The following NOC2L variants were observed in gnomAD, a reference collection of about 807,000 sequenced individuals.
The protein encoded by NOC2L is nucleolar complex protein 2 homolog.
Under a neutral mutation model 94.2 loss-of-function variants are expected in NOC2L, and 101 were observed. The ratio of observed to expected loss-of-function variants is 1.07; its 90% CI spans 0.91 to 1.26. NOC2L has a LOEUF of 1.26. Among genes scored for constraint, NOC2L ranks in the 50% most tolerant of loss-of-function variants. NOC2L has a pLI of 0.00. For synonymous variants in NOC2L, 531 were observed against 413.4 expected, an observed-to-expected ratio of 1.28 and a Z score of -3.45; for missense variants, 1,076 against 980.1, an observed-to-expected ratio of 1.10 and a Z score of -1.31.
chr1:952,013 T>C lies in NOC2L; in HGVS notation c.1318A>G (p.Ile440Val), dbSNP rs768915351. The C allele has an allele frequency of 3.1e-6, 5 of 1,612,238 alleles. No homozygotes were observed. Among genetic ancestry groups the C allele is most frequent in the East Asian group, 2.2e-5 (1 of 44,860 alleles). ...CCCACAACTCACTTGATACAGCCAA[T>C]GATGACTTGGGCAAGGGGGTAGACC... The part of the protein sequence containing the change: ...PLVYPLAQVI[I>V]GCIKLIPTAR... The change falls in exon 11 of 19, where the codon ATT becomes GTT. Residue 440 changes from isoleucine (I) to valine (V), a missense_variant. Physicochemically the swap from Ile to Val is conservative, Grantham distance 29. Transcript: ENST00000327044.
intron 11 of NOC2L, 27 bp downstream of exon 11, chr1:951,973 C>T (rs751273991): frequency 6.2e-7 from 1 of 1,601,442 alleles, no homozygotes; most frequent in East Asian, 2.2e-5. Context: ...GACCCTCCCG[C>T]ACAACCCTGC....
chr1:950,894 T>C (rs187451187), intron 12 of NOC2L, among the ~76,000 whole-genome samples: 122 of 152,242 alleles, frequency 8.0e-4, no homozygotes, highest in African/African-American at 2.7e-3. Flanking sequence ...CAGGGTCAGG[T>C]CCCGGCATCC....
At chr1:946,566 C>A in intron 14 of NOC2L, 21 bp from the exon 15 acceptor site, 1 of 1,607,986 alleles carries the variant, frequency 6.2e-7, no homozygotes. Flanking sequence ...GAGGGGTCAG[C>A]CACTGAAGCC....
chr1:959,250 C>A lies in NOC2L; in HGVS notation c.-10G>T, dbSNP rs1462022615. ...TCCCCGCAGCTGCCATGACACCAAC[C>A]CGAAGCGTGCACCCCACTTCCGGCC... is the stretch of plus-strand genomic sequence containing the variant. On this transcript the variant is annotated 5_prime_UTR_variant, in exon 1 of 19. Coordinates refer to ENST00000327044, the MANE Select transcript of NOC2L (RefSeq NM_015658.4). 3.1e-6 allele frequency: 5 copies of A among 1,603,538 alleles called. No homozygotes were observed. Among genetic ancestry groups the A allele is most frequent in the Non-Finnish European group, 4.3e-6 (5 of 1,175,912 alleles).
intron 12 of NOC2L, among the ~76,000 whole-genome samples, chr1:950,369 G>A (rs1036782837): frequency 2.7e-5 from 4 of 147,816 alleles, no homozygotes; most frequent in African/African-American, 1.0e-4. Context: ...GCATGCACAG[G>A]TAGACACATG....
At chr1:949,376 G>A (rs1236554233) in intron 12 of NOC2L, among the ~76,000 whole-genome samples, 1 of 152,202 alleles carries the variant, frequency 6.6e-6, no homozygotes, top group Non-Finnish European at 1.5e-5. Context: ...GTCCAGATGG[G>A]AAAACGCCCT....
chr1:958,883 G>A, intron 2 of NOC2L, 46 bp downstream of exon 2: 3 of 1,609,790 alleles, frequency 1.9e-6, no homozygotes, highest in African/African-American at 2.7e-5. Flanking sequence ...CAACCGGGGT[G>A]GGACAGGACG....
intron 14 of NOC2L, chr1:946,871 A>G (rs1324787214): frequency 4.8e-6 from 1 of 209,990 alleles, no homozygotes. Context: ...CAGCCTGGCC[A>G]ACGTGGCAAA....
intron 14 of NOC2L, among the ~76,000 whole-genome samples, chr1:947,300 G>A (rs1228303754): frequency 6.6e-6 from 1 of 152,218 alleles, no homozygotes; most frequent in Non-Finnish European, 1.5e-5. Flanking sequence ...GAGGAACAGA[G>A]GCTGTGGCCC....
At position 959,027 on chromosome 1, in the gene NOC2L, C is replaced by G; in HGVS notation, c.81G>C (p.Glu27Asp). Residue 27 changes from glutamate to aspartate, a missense_variant, in exon 2 of 19, where the codon GAG becomes GAC. Coordinates refer to ENST00000327044, the MANE Select transcript of NOC2L (RefSeq NM_015658.4). ...GAGAATTTTCGGACTCGGATTCGGA[C>G]TCGGAGTCAAAGCCCGAAGCTAGGA... ...DEFLASGFDSESESESENSPQ... is the reference protein window; with the variant it reads ...DEFLASGFDSDSESESENSPQ... 3 of 1,612,314 alleles carry G rather than the reference C, an allele frequency of 1.9e-6. No homozygotes were observed. Among genetic ancestry groups the G allele is most frequent in the Non-Finnish European group, 2.5e-6 (3 of 1,179,662 alleles).
At chr1:948,390 T>A (rs1642173004) in intron 13 of NOC2L, 100 bp downstream of exon 13, 4 of 1,065,338 alleles carry the variant, frequency 3.8e-6, no homozygotes, top group Non-Finnish European at 5.7e-6. Flanking sequence ...TGAAGGTCCA[T>A]GCTTGAACTT....
chr1:952,667 G>A (rs1045150511), intron 9 of NOC2L, 67 bp from the exon 10 acceptor site: 3 of 1,513,308 alleles, frequency 2.0e-6, no homozygotes, highest in Non-Finnish European at 2.7e-6. Flanking sequence ...CCACTCCAGG[G>A]CCCCTGTGAA....
rs1642018268 is a variant in NOC2L, at chr1:944,340, T to C, written c.*354A>G. The C allele has an allele frequency of 9.4e-6, 13 of 1,378,406 alleles. No homozygotes were observed. Among genetic ancestry groups the C allele is most frequent in the Non-Finnish European group, 1.2e-5 (13 of 1,073,792 alleles). 85.4% of individuals were successfully genotyped at this position (1,378,406 alleles called of 1,614,324 possible). On this transcript the variant is annotated 3_prime_UTR_variant, in exon 19 of 19. Coordinates refer to ENST00000327044, the MANE Select transcript of NOC2L (RefSeq NM_015658.4). ...TTGGGGGAGTGAAGGCAGAGCCTGG[T>C]GCAGATGGACGAGGTCTGCAGACGG...
At position 953,650 on chromosome 1, in the gene NOC2L, GCCTCT is replaced by G. The variant is rs1165356905; in HGVS notation, c.888+127_888+131del. 10 of 695,678 alleles carry G rather than the reference GCCTCT, an allele frequency of 1.4e-5. No individual in the cohort carries two copies. The African/African-American group carries it at 1.8e-4, about 12-fold the overall frequency. 43.1% of individuals were successfully genotyped at this position (695,678 alleles called of 1,614,324 possible). Reference sequence around the variant, plus strand: ...GGGGTGGGGGCCAGGTGCTTCTGTGGCCTCTCTAGCCAAGCGGAGCCAGTGGAGTG... The same window carrying G: ...GGGGTGGGGGCCAGGTGCTTCTGTGGCTAGCCAAGCGGAGCCAGTGGAGTG... On this transcript the variant is annotated intron_variant, in intron 8 of 18. Transcript: ENST00000327044.
At chr1:957,061 G>A (rs1321521518) in intron 3 of NOC2L, 36 bp from the exon 4 acceptor site, 2 of 1,613,980 alleles carry the variant, frequency 1.2e-6, no homozygotes, top group Non-Finnish European at 8.5e-7. Context: ...AGAGTGTAGA[G>A]ACAAGTGCCC....
chr1:956,039 T>C, intron 5 of NOC2L, 26 bp from the exon 6 acceptor site: 2 of 1,614,026 alleles, frequency 1.2e-6, no homozygotes, highest in Non-Finnish European at 1.7e-6. Flanking sequence ...CTGGATGTAC[T>C]CACGGGACAG....
intron 14 of NOC2L, 142 bp from the exon 15 acceptor site, chr1:946,687 TAGCTGTTGC>T: frequency 3.0e-6 from 3 of 992,502 alleles, no homozygotes; most frequent in South Asian, 3.3e-5. Context: ...CTCAAGTGCA[TAGCTGTTGC>T]AGCTGGGATG....
At position 944,409 on chromosome 1, in the gene NOC2L, C is replaced by G; in HGVS notation, c.*285G>C. 8.4e-7 allele frequency: 1 copy of G among 1,185,904 alleles called. No individual in the cohort carries two copies. 73.5% of individuals were successfully genotyped at this position (1,185,904 alleles called of 1,614,324 possible). A position where few individuals can be genotyped will look rare whatever the true frequency, so the allele number is the denominator to read the frequency against. On this transcript the variant is annotated 3_prime_UTR_variant, in exon 19 of 19. Coordinates refer to ENST00000327044, the MANE Select transcript of NOC2L (RefSeq NM_015658.4). ...GGGGCCAGGGGCCTGCAGGCCTCCC[C>G]CTGGAACTGGGACTGGTCTCGGTCT... is the stretch of plus-strand genomic sequence containing the variant.
chr1:945,562 A>G lies in NOC2L; in HGVS notation c.2009T>C (p.Leu670Pro), dbSNP rs112163984. ...DRKQFKDLFD[L>P]NSSEEDDTEG... Reference sequence around the variant, plus strand: ...GGTGTCGTCCTCTTCAGAGCTGTTCAGGTCAAAGAGGTCTTTAAATTGCTT... The same window carrying G: ...GGTGTCGTCCTCTTCAGAGCTGTTCGGGTCAAAGAGGTCTTTAAATTGCTT... Residue 670 changes from leucine (L) to proline (P), a missense_variant, in exon 17 of 19, where the codon CTG becomes CCG. Physicochemically the swap from Leu to Pro is moderately conservative, Grantham distance 98. This residue lies in a region of NOC2L where 615 missense variants were observed against 577.4 expected (regional missense o/e 1.07). Coordinates refer to ENST00000327044, the MANE Select transcript of NOC2L (RefSeq NM_015658.4). 177 of 1,614,034 alleles carry G rather than the reference A, an allele frequency of 1.1e-4. No individual in the cohort carries two copies. The African/African-American group carries it at 2.2e-3, about 20-fold the overall frequency.
Sources: allele counts gnomAD v4.1 joint callset (sites outside exome capture counted in the v4.1 genomes callset), GRCh38; gene constraint gnomAD v4.1.1; regional missense constraint gnomAD v4.1.1; transcripts MANE v1.5; gene names NCBI Gene and HGNC (gene_info 2026-07-23, HGNC 2026-07-21).